USP6NL: variants seen among roughly 807,000 people sequenced by gnomAD.
The protein encoded by USP6NL is USP6 N-terminal-like protein.
USP6NL carries 26 observed loss-of-function variants against 61.9 expected under a neutral mutation model. The ratio of observed to expected loss-of-function variants is 0.42; its 90% CI spans 0.31 to 0.58. The LOEUF (loss-of-function observed/expected upper bound fraction) is 0.58, where lower values mean the gene tolerates loss of function less well. USP6NL is among the 20% of genes least tolerant of loss of function. The pLI is 0.16. For synonymous variants in USP6NL, 432 were observed against 390.1 expected (o/e 1.11, Z -1.27); for missense variants, 1,114 against 1,034.3 (o/e 1.08, Z -1.06).
rs1167921585 is a variant in USP6NL, at chr10:11,518,695, G to A, written c.156-121C>T. On this transcript the variant is annotated intron_variant, in intron 4 of 14. Transcript: ENST00000609104. The surrounding 1 kb of genome is among the most constrained non-coding windows in gnomAD (Gnocchi z 5.3). ...ATTTGTCATCACAAGAGTTACATAG[G>A]CTTCCATTCATTGAATTCAATATGA... The A allele has an allele frequency of 1.4e-6, 1 of 715,900 alleles. No individual in the cohort carries two copies. Among genetic ancestry groups the A allele is most frequent in the South Asian group, 2.2e-5 (1 of 44,982 alleles). The allele number at this position is 715,900 out of a possible 1,614,324, so 44.3% of individuals were successfully genotyped here.
At chr10:11,581,982 G>A (rs1347753589) in intron 2 of USP6NL, among the ~76,000 whole-genome samples, 1 of 151,982 alleles carries the variant, frequency 6.6e-6, no homozygotes, top group African/African-American at 2.4e-5. Flanking sequence ...TGTTGTTTTT[G>A]AGACGGAGTT....
chr10:11,485,919 A>G lies in USP6NL; in HGVS notation c.665-8T>C, dbSNP rs1833448010. The G allele has an allele frequency of 2.6e-6, 4 of 1,528,088 alleles. No homozygotes were observed. Among genetic ancestry groups the G allele is most frequent in the Non-Finnish European group, 3.5e-6 (4 of 1,134,334 alleles). 94.7% of individuals were successfully genotyped at this position (1,528,088 alleles called of 1,614,324 possible). On this transcript the variant is annotated splice_region_variant and splice_polypyrimidine_tract_variant and intron_variant, in intron 10 of 14. Coordinates refer to ENST00000609104, the MANE Select transcript of USP6NL (RefSeq NM_014688.5). The surrounding 1 kb of genome is among the most constrained non-coding windows in gnomAD (Gnocchi z 4.8). ...AACCTTGGACAAAAAAGCCTAGAAT[A>G]CAAACATAAAAACAACATTTCATAA... is the stretch of plus-strand genomic sequence containing the variant.
intron 2 of USP6NL, among the ~76,000 whole-genome samples, chr10:11,569,600 A>G (rs185637346): frequency 6.6e-6 from 1 of 152,298 alleles, no homozygotes; most frequent in East Asian, 1.9e-4. Context: ...GTGGCACTGG[A>G]ACCCGAAGGC....
Position 11,573,595 on chromosome 10 carries a change from G to A in USP6NL, c.4+24036C>T, listed in dbSNP as rs186460406. 98 of 398,816 alleles carry A rather than the reference G, an allele frequency of 2.5e-4. No individual in the cohort carries two copies. The East Asian group carries it at 3.5e-3, about 14-fold the overall frequency. 24.7% of individuals were successfully genotyped at this position (398,816 alleles called of 1,614,324 possible). A position where few individuals can be genotyped will look rare whatever the true frequency, so the allele number is the denominator to read the frequency against. On this transcript the variant is annotated intron_variant, in intron 2 of 14. Transcript: ENST00000609104. Reference sequence around the variant, plus strand: ...CTGAAAGTGCTTGATTGTTCATTCTGCTAATCCTACCTTCCTTCACTGTGG... The same window carrying A: ...CTGAAAGTGCTTGATTGTTCATTCTACTAATCCTACCTTCCTTCACTGTGG...
chr10:11,555,107 TG>T (rs377113750), intron 2 of USP6NL, among the ~76,000 whole-genome samples: 19,260 of 118,248 alleles, frequency 0.16, 1,462 homozygotes, highest in South Asian at 0.27. Flanking sequence ...TTTTTTTTTT[TG>T]GTTTTTTTTT....
rs1834708644 is a variant in USP6NL at position 11,511,402 on chromosome 10, G to C, written c.196-1727C>G. On this transcript the variant is annotated intron_variant, in intron 5 of 14. Transcript: ENST00000609104. The surrounding 1 kb of genome is among the most constrained non-coding windows in gnomAD (Gnocchi z 4.9). ...TAAATGTGACTTTAGAGAAGGCCAA[G>C]CTGTGAAAAATTAAGATTGATCTAA... Among the ~76,000 whole-genome samples, 1 of 152,136 alleles carries C rather than the reference G, an allele frequency of 6.6e-6. No individual in the cohort carries two copies. The highest frequency in any genetic ancestry group is 6.5e-5 in the Admixed American group (1 of 15,284).
intron 2 of USP6NL, among the ~76,000 whole-genome samples, chr10:11,535,327 T>C (rs1835790026): frequency 6.6e-6 from 1 of 152,132 alleles, no homozygotes; most frequent in Non-Finnish European, 1.5e-5. Flanking sequence ...CACCCTAAAG[T>C]ATTAGTATAA....
intron 14 of USP6NL, among the ~76,000 whole-genome samples, chr10:11,466,269 G>A (rs1832448344): frequency 6.6e-6 from 1 of 152,188 alleles, no homozygotes. Context: ...TTCTAGGTTT[G>A]AACTAAGATG....
At position 11,510,782 on chromosome 10, in the gene USP6NL, G is replaced by C. The variant is rs1423971242; in HGVS notation, c.196-1107C>G. On this transcript the variant is annotated intron_variant, in intron 5 of 14. Coordinates refer to ENST00000609104, the MANE Select transcript of USP6NL (RefSeq NM_014688.5). The surrounding 1 kb of genome is among the most constrained non-coding windows in gnomAD (Gnocchi z 4.8). ...ATGATTGTCACCATTTTACAATGAG[G>C]AAACAGGCACAAAGGGCTTAAGGGA... Among the ~76,000 whole-genome samples, 1 of 152,248 alleles carries C rather than the reference G, an allele frequency of 6.6e-6. No individual in the cohort carries two copies. Among genetic ancestry groups the C allele is most frequent in the African/African-American group, 2.4e-5 (1 of 41,466 alleles).
rs1352580221 is a variant in USP6NL at position 11,487,346 on chromosome 10, C to G, written c.665-1435G>C. 6.6e-6 allele frequency among the ~76,000 whole-genome samples: 1 copy of G among 152,146 alleles called. No individual in the cohort carries two copies. Among genetic ancestry groups the G allele is most frequent in the Non-Finnish European group, 1.5e-5 (1 of 68,010 alleles). ...TAGGCAGACATAGAAACAAACATCT[C>G]TAAGTATAAACTGACCCTTAATAAT... On this transcript the variant is annotated intron_variant, in intron 10 of 14. Coordinates refer to ENST00000609104, the MANE Select transcript of USP6NL (RefSeq NM_014688.5). This position sits in a 1 kb window ranked among gnomAD's most constrained non-coding sequence, Gnocchi z 4.2.
intron 7 of USP6NL, among the ~76,000 whole-genome samples, chr10:11,500,342 T>C (rs749906472): frequency 6.6e-6 from 1 of 151,966 alleles, no homozygotes. Flanking sequence ...AAAATAAAAG[T>C]TGAAGAAAAA....
At chr10:11,497,747 A>G (rs887532852) in intron 7 of USP6NL, among the ~76,000 whole-genome samples, 3 of 152,224 alleles carry the variant, frequency 2.0e-5, no homozygotes. Flanking sequence ...TAATGCATGG[A>G]ATGCAGGAAT....
At chr10:11,494,283 T>C (rs905507194) in intron 7 of USP6NL, among the ~76,000 whole-genome samples, 2 of 152,200 alleles carry the variant, frequency 1.3e-5, no homozygotes, top group African/African-American at 4.8e-5. Flanking sequence ...GTATTGAAAC[T>C]TCACATTTCA....
chr10:11,481,469 T>G lies in USP6NL; in HGVS notation c.1078+301A>C, dbSNP rs915137186. Among the ~76,000 whole-genome samples, 5 of 152,262 alleles carry G rather than the reference T, an allele frequency of 3.3e-5. No homozygotes were observed. Among genetic ancestry groups the G allele is most frequent in the Non-Finnish European group, 7.3e-5 (5 of 68,044 alleles). ...GAAAGCAAAAAAAAGCTTATTGTTA[T>G]GCTCGTTTAAAGCACCATGGCTACT... On this transcript the variant is annotated intron_variant, in intron 14 of 14. Coordinates refer to ENST00000609104, the MANE Select transcript of USP6NL (RefSeq NM_014688.5). The surrounding 1 kb of genome is among the most constrained non-coding windows in gnomAD (Gnocchi z 4.4).
rs577753874 is a variant in USP6NL, at chr10:11,509,023, C to T, written c.276+572G>A. Among the ~76,000 whole-genome samples the T allele has an allele frequency of 3.3e-5, 5 of 152,308 alleles. No individual in the cohort carries two copies. In the South Asian group the frequency reaches 1.0e-3, roughly 32 times the overall value. ...ATCTTCTCACTGTTTAAAGACTTTT[C>T]TGATGAGACGCATGGTGATATTAAT... is the stretch of plus-strand genomic sequence containing the variant. On this transcript the variant is annotated intron_variant, in intron 6 of 14. Coordinates refer to ENST00000609104, the MANE Select transcript of USP6NL (RefSeq NM_014688.5).
chr10:11,533,183 A>G (rs1835722119), intron 2 of USP6NL, among the ~76,000 whole-genome samples: 1 of 152,244 alleles, frequency 6.6e-6, no homozygotes, highest in African/African-American at 2.4e-5. Context: ...CTCAAGCCAT[A>G]TACCAAGGAA....
intron 2 of USP6NL, among the ~76,000 whole-genome samples, chr10:11,572,005 T>G (rs1045830080): frequency 1.3e-5 from 2 of 151,476 alleles, no homozygotes; most frequent in African/African-American, 4.8e-5. Flanking sequence ...TATCTTTTGG[T>G]AGTATTTTTC....
chr10:11,526,137 A>C (rs1324247299), intron 3 of USP6NL, among the ~76,000 whole-genome samples: 1 of 142,080 alleles, frequency 7.0e-6, no homozygotes, highest in Non-Finnish European at 1.6e-5. Context: ...GTAACTCGTC[A>C]TTGATGGTGT....
intron 13 of USP6NL, among the ~76,000 whole-genome samples, chr10:11,483,095 C>G (rs1043883917): frequency 1.3e-5 from 2 of 152,164 alleles, no homozygotes; most frequent in Non-Finnish European, 2.9e-5. Flanking sequence ...CTCCTACTGT[C>G]TAACTGAAAC....
Sources: gnomAD v4.1 joint callset for allele counts (sites outside exome capture counted in the v4.1 genomes callset) on GRCh38, gnomAD v4.1.1 for gene constraint, Gnocchi (gnomAD v3.1) non-coding constraint, MANE v1.5 for transcripts, NCBI Gene and HGNC (gene_info 2026-07-23, HGNC 2026-07-21) for gene names.